PHKB: variants seen among roughly 807,000 people sequenced by gnomAD.
PHKB encodes the protein phosphorylase kinase regulatory subunit beta.
Under a neutral mutation model 152.1 loss-of-function variants are expected in PHKB, and 122 were observed. That is an observed-to-expected ratio of 0.80 (90% CI 0.69 to 0.93). The LOEUF is 0.93. Ranked by LOEUF, PHKB falls within the 40% of genes least tolerant of loss-of-function variation. The pLI is 0.00. For synonymous variants in PHKB, 436 were observed against 464.9 expected, an observed-to-expected ratio of 0.94 and a Z score of 0.80; for missense variants, 1,304 against 1,328.4, an observed-to-expected ratio of 0.98 and a Z score of 0.29.
rs79014828 is a variant in PHKB at position 47,511,575 on chromosome 16, T to C, written c.406-90T>C. 1.8e-3 allele frequency: 1,711 copies of C among 949,854 alleles called. 22 individuals carry two copies. The African/African-American group carries it at 0.025, about 14-fold the overall frequency. 58.8% of individuals were successfully genotyped at this position (949,854 alleles called of 1,614,324 possible). A position where few individuals can be genotyped will look rare whatever the true frequency, so the allele number is the denominator to read the frequency against. On this transcript the variant is annotated intron_variant, in intron 4 of 30. Coordinates refer to ENST00000323584, the MANE Select transcript of PHKB (RefSeq NM_000293.3). ...GGTCCTCTGCCTTAGCTTTGTTCAT[T>C]AAAAAGTTTCATGAAAAATAGCTTT... is the stretch of plus-strand genomic sequence containing the variant.
intron 14 of PHKB, among the ~76,000 whole-genome samples, chr16:47,615,229 C>T (rs540777508): frequency 1.3e-5 from 2 of 152,282 alleles, no homozygotes; most frequent in South Asian, 4.2e-4. Flanking sequence ...GTTGCCCCTG[C>T]TGTGGAGCAG....
In PHKB at chr16:47,502,971, G is replaced by A; in HGVS notation, c.306-20G>A. On this transcript the variant is annotated intron_variant, in intron 3 of 30. Transcript: ENST00000323584. ...CAAATGCATTTCCAATTAGTTTCAT[G>A]AGTTATCTCTCTCACCCAGGCGAAT... 1 of 1,515,540 alleles carries A rather than the reference G, an allele frequency of 6.6e-7. No homozygotes were observed. The highest frequency in any genetic ancestry group is 1.4e-5 in the African/African-American group (1 of 73,134). 93.9% of individuals were successfully genotyped at this position (1,515,540 alleles called of 1,614,324 possible).
At chr16:47,650,144 G>T (rs748552906) in intron 18 of PHKB, among the ~76,000 whole-genome samples, 7 of 152,088 alleles carry the variant, frequency 4.6e-5, no homozygotes, top group African/African-American at 7.2e-5. Flanking sequence ...AAGTGCATTG[G>T]CTCATACCTG....
chr16:47,502,097 C>A (rs1245482565), intron 3 of PHKB, among the ~76,000 whole-genome samples: 2 of 152,196 alleles, frequency 1.3e-5, no homozygotes, highest in East Asian at 3.9e-4. Flanking sequence ...TATGATTTAA[C>A]TGGGAGGTAA....
intron 8 of PHKB, among the ~76,000 whole-genome samples, chr16:47,584,694 A>C (rs957864317): frequency 6.6e-6 from 1 of 152,186 alleles, no homozygotes; most frequent in African/African-American, 2.4e-5. Context: ...CAGCCTCATA[A>C]CTGAACTAGG....
At chr16:47,693,911 T>C (rs1031108383) in intron 28 of PHKB, among the ~76,000 whole-genome samples, 1 of 152,226 alleles carries the variant, frequency 6.6e-6, no homozygotes, top group Non-Finnish European at 1.5e-5. Context: ...GTTTCCTATA[T>C]TGGCTTTACT....
intron 7 of PHKB, among the ~76,000 whole-genome samples, chr16:47,572,186 C>T (rs1971672485): frequency 6.6e-6 from 1 of 152,168 alleles, no homozygotes; most frequent in Non-Finnish European, 1.5e-5. Context: ...CCCAAGAAGT[C>T]CCCAGATTGC....
chr16:47,565,117 A>G (rs1971543242), intron 7 of PHKB: 1 of 510,524 alleles, frequency 2.0e-6, no homozygotes, highest in Non-Finnish European at 3.9e-6. Flanking sequence ...TTTCATTTTC[A>G]CCATCAACGG....
At chr16:47,606,628 T>C (rs1285662404) in intron 13 of PHKB, among the ~76,000 whole-genome samples, 1 of 152,184 alleles carries the variant, frequency 6.6e-6, no homozygotes, top group Non-Finnish European at 1.5e-5. Flanking sequence ...ACTTGCTGGG[T>C]TGGAAAATAC....
chr16:47,640,785 G>T (rs1438287587), intron 14 of PHKB, among the ~76,000 whole-genome samples: 1 of 152,088 alleles, frequency 6.6e-6, no homozygotes, highest in East Asian at 1.9e-4. Context: ...GCCCTGACAG[G>T]CTAGCCCCTG....
chr16:47,472,118 A>G (rs1969780428), intron 1 of PHKB, among the ~76,000 whole-genome samples: 1 of 152,204 alleles, frequency 6.6e-6, no homozygotes, highest in Non-Finnish European at 1.5e-5. Flanking sequence ...TCTTAGATAC[A>G]GTTAGTTTTA....
intron 20 of PHKB, among the ~76,000 whole-genome samples, chr16:47,654,918 G>GT (rs1231587271): frequency 4.6e-5 from 7 of 151,728 alleles, no homozygotes; most frequent in Non-Finnish European, 1.0e-4. Flanking sequence ...AAACCTGCAT[G>GT]TTGTGCACAT....
At chr16:47,483,943 A>G (rs1970008518) in intron 1 of PHKB, among the ~76,000 whole-genome samples, 1 of 152,246 alleles carries the variant, frequency 6.6e-6, no homozygotes, top group Non-Finnish European at 1.5e-5. Flanking sequence ...ATTGCCATTT[A>G]TAACATTAAA....
At chr16:47,672,854 A>G (rs531358803) in intron 26 of PHKB, among the ~76,000 whole-genome samples, 18 of 152,138 alleles carry the variant, frequency 1.2e-4, no homozygotes, top group Non-Finnish European at 1.8e-4. Flanking sequence ...GAGAAATGAC[A>G]TACCATTTTT....
At chr16:47,630,158 A>C (rs1009139181) in intron 14 of PHKB, among the ~76,000 whole-genome samples, 1 of 152,164 alleles carries the variant, frequency 6.6e-6, no homozygotes, top group Non-Finnish European at 1.5e-5. Context: ...CATGTACCCT[A>C]AAACTTAAAG....
intron 10 of PHKB, 146 bp downstream of exon 10, chr16:47,589,248 A>AT (rs1428639734): frequency 1.6e-6 from 1 of 614,176 alleles, no homozygotes; most frequent in Non-Finnish European, 2.8e-6. Context: ...TCTGTGTTTA[A>AT]TTTTTTCATT....
chr16:47,668,216 T>A (rs1973573380), intron 25 of PHKB, among the ~76,000 whole-genome samples: 1 of 152,200 alleles, frequency 6.6e-6, no homozygotes, highest in Non-Finnish European at 1.5e-5. Context: ...CTAGAGGCAA[T>A]GATGTGCCTT....
Position 47,463,956 on chromosome 16 carries a change from T to G in PHKB, c.76+2530T>G. ...AATTTGAAATGGCCTGCTCACCTGATGCAGTCGTCTCTCCGTCTTCCGCTT... is the reference window on the plus strand; with the variant it reads ...AATTTGAAATGGCCTGCTCACCTGAGGCAGTCGTCTCTCCGTCTTCCGCTT... On this transcript the variant is annotated intron_variant, in intron 1 of 30. Coordinates refer to ENST00000323584, the MANE Select transcript of PHKB (RefSeq NM_000293.3). 1 of 1,614,066 alleles carries G rather than the reference T, an allele frequency of 6.2e-7. No homozygotes were observed. Among genetic ancestry groups the G allele is most frequent in the Non-Finnish European group, 8.5e-7 (1 of 1,179,876 alleles).
intron 1 of PHKB, among the ~76,000 whole-genome samples, chr16:47,496,215 GATTA>G (rs1321924905): frequency 2.0e-5 from 3 of 151,724 alleles, no homozygotes; most frequent in Non-Finnish European, 2.9e-5. Context: ...TCCAGAGATG[GATTA>G]ATTGTGACCT....
Sources: allele counts gnomAD v4.1 joint callset (sites outside exome capture counted in the v4.1 genomes callset), GRCh38; gene constraint gnomAD v4.1.1; transcripts MANE v1.5; gene names NCBI Gene and HGNC (gene_info 2026-07-23, HGNC 2026-07-21).